Variants in OTOG observed in about 807,000 individuals in gnomAD.
The protein encoded by OTOG is otogelin.
A neutral mutation model predicts 313.8 loss-of-function variants in OTOG; 296 were observed. That is an observed-to-expected ratio of 0.94 (90% CI 0.86 to 1.04). The LOEUF is 1.04. Ranked by LOEUF, OTOG falls within the 50% of genes least tolerant of loss-of-function variation. The pLI, the probability that OTOG is intolerant of heterozygous loss-of-function variation, is 0.00. For missense variants in OTOG, 3,948 were observed against 3,840.1 expected, an observed-to-expected ratio of 1.03 and a Z score of -0.74; for synonymous variants, 1,533 against 1,554.9, an observed-to-expected ratio of 0.99 and a Z score of 0.33.
chr11:17,556,700 G>A (rs1852063614), intron 7 of OTOG, among the ~76,000 whole-genome samples: 1 of 152,152 alleles, frequency 6.6e-6, no homozygotes, highest in South Asian at 2.1e-4. Context: ...AGGTTGGCTA[G>A]GGGTCCCTGT....
intron 23 of OTOG, among the ~76,000 whole-genome samples, chr11:17,579,241 C>G (rs574674584): frequency 1.4e-4 from 21 of 152,290 alleles, no homozygotes; most frequent in African/African-American, 5.1e-4. Flanking sequence ...ACCCGGGAGT[C>G]GTGGCCCAGG....
At chr11:17,566,010 G>A (rs775503002) in intron 15 of OTOG, among the ~76,000 whole-genome samples, 10 of 152,126 alleles carry the variant, frequency 6.6e-5, no homozygotes, top group Non-Finnish European at 1.2e-4. Flanking sequence ...CAGGGGATGA[G>A]GTGTGCTCAT....
At chr11:17,553,606 G>A in intron 6 of OTOG, 87 bp downstream of exon 6, 3 of 1,206,656 alleles carry the variant, frequency 2.5e-6, no homozygotes, top group Non-Finnish European at 2.1e-6. Flanking sequence ...GTCATAGTTA[G>A]AGAGACTGGC....
intron 16 of OTOG, among the ~76,000 whole-genome samples, chr11:17,569,498 A>G (rs1012106017): frequency 1.3e-5 from 2 of 152,238 alleles, no homozygotes; most frequent in African/African-American, 4.8e-5. Context: ...ACTTCCTAGT[A>G]GCATGATGGC....
At chr11:17,638,158 C>G (rs970987277) in intron 47 of OTOG, among the ~76,000 whole-genome samples, 19 of 152,204 alleles carry the variant, frequency 1.2e-4, no homozygotes, top group Non-Finnish European at 2.1e-4. Context: ...TAATGGCTGG[C>G]TCTCCCTGGA....
intron 39 of OTOG, among the ~76,000 whole-genome samples, chr11:17,616,366 T>G (rs917247801): frequency 1.3e-5 from 2 of 152,278 alleles, no homozygotes; most frequent in African/African-American, 4.8e-5. Context: ...CTAGCTATTC[T>G]AATTCCTTTA....
Position 17,628,158 on chromosome 11 carries a change from A to G in OTOG, c.6529-975A>G, listed in dbSNP as rs542220024. 1.1e-4 allele frequency among the ~76,000 whole-genome samples: 17 copies of G among 152,062 alleles called. No homozygotes were observed. The South Asian group carries it at 3.5e-3, about 32-fold the overall frequency. ...TCTTTAAGATACATTGTTAGGTTAC[A>G]TATTTGAAGTTTTTCTTCTTTTTTG... On this transcript the variant is annotated intron_variant, in intron 39 of 55. Transcript: ENST00000399397.
intron 7 of OTOG, 45 bp from the exon 8 acceptor site, chr11:17,557,073 T>C (rs894577236): frequency 5.9e-6 from 9 of 1,527,812 alleles, no homozygotes; most frequent in Non-Finnish European, 7.9e-6. Context: ...ACTGGGCTAG[T>C]GGAGGTGTTG....
At chr11:17,606,801 C>G (rs1853401381) in intron 33 of OTOG, among the ~76,000 whole-genome samples, 1 of 152,248 alleles carries the variant, frequency 6.6e-6, no homozygotes, top group Non-Finnish European at 1.5e-5. Context: ...GTGTCTTCAG[C>G]CAGCCTCCTT....
At chr11:17,638,354 C>G in intron 47 of OTOG, 97 bp from the exon 48 acceptor site, 1 of 1,047,986 alleles carries the variant, frequency 9.5e-7, no homozygotes. Context: ...TAAGGAGGAG[C>G]TGGGGGTAGC....
At chr11:17,547,500 C>A in intron 1 of OTOG, 34 bp downstream of exon 1, 1 of 1,325,130 alleles carries the variant, frequency 7.5e-7, no homozygotes, top group Non-Finnish European at 9.6e-7. Context: ...AGGTCGGGGG[C>A]TCGAGGAATG....
intron 46 of OTOG, among the ~76,000 whole-genome samples, 177 bp downstream of exon 46, chr11:17,635,364 C>G (rs1011136508): frequency 1.1e-4 from 16 of 152,136 alleles, no homozygotes; most frequent in Non-Finnish European, 2.1e-4. Context: ...ACACCGACCC[C>G]GTGTTCCCCC....
rs1246889104 is a variant in OTOG at position 17,610,680 on chromosome 11, C to T, written c.5380C>T (p.Arg1794Cys). 6.4e-5 allele frequency: 100 copies of T among 1,550,504 alleles called. No individual in the cohort carries two copies. Among genetic ancestry groups the T allele is most frequent in the Non-Finnish European group, 8.4e-5 (96 of 1,147,008 alleles). The change falls in exon 36 of 56, where the codon CGT (arginine) becomes TGT (cysteine). Residue 1794 changes from arginine (R) to cysteine (C), a missense_variant. Coordinates refer to ENST00000399397, the MANE Select transcript of OTOG (RefSeq NM_001292063.2). The part of the protein sequence containing the change: ...ATPFMSLEST[R>C]PSQLLSGLPP... ...ACCCTTCATGTCCCTTGAGTCAACT[C>T]GTCCCTCCCAGCTCCTCTCTGGCCT... is the stretch of plus-strand genomic sequence containing the variant.
chr11:17,577,701 C>T (rs1404484908), intron 22 of OTOG, among the ~76,000 whole-genome samples: 2 of 152,178 alleles, frequency 1.3e-5, no homozygotes, highest in East Asian at 3.9e-4. Context: ...CTTTGGATTT[C>T]TGGCTCTTTG....
chr11:17,641,258 G>A (rs564168530), intron 51 of OTOG, among the ~76,000 whole-genome samples, 167 bp downstream of exon 51: 1 of 152,188 alleles, frequency 6.6e-6, no homozygotes, highest in African/African-American at 2.4e-5. Context: ...GGACTAGGTT[G>A]GGAGAGGCCA....
At chr11:17,554,736 G>A (rs1422390221) in intron 6 of OTOG, among the ~76,000 whole-genome samples, 4 of 152,224 alleles carry the variant, frequency 2.6e-5, no homozygotes, top group South Asian at 2.1e-4. Flanking sequence ...CTATCACATA[G>A]CAGAGATTTT....
In OTOG at chr11:17,629,271, G is replaced by A. The variant is rs572886375; in HGVS notation, c.6667G>A (p.Val2223Met). Residue 2223 changes from valine to methionine, a missense_variant, in exon 40 of 56, where the codon GTG becomes ATG. Physicochemically the swap from Val to Met is conservative, Grantham distance 21. Transcript: ENST00000399397. ...GCTCCACAGCTCAGGACTCATGATC[G>A]TGGAGGCCAGCAAAACCAGCAAGGC... ...QWLHSSGLMI[V>M]EASKTSKAQG... 6.3e-5 allele frequency: 97 copies of A among 1,550,580 alleles called. No homozygotes were observed. The Admixed American group carries it at 1.2e-3, about 19-fold the overall frequency.
At chr11:17,571,680 A>G (rs1202033097) in intron 17 of OTOG, among the ~76,000 whole-genome samples, 3 of 152,036 alleles carry the variant, frequency 2.0e-5, no homozygotes, top group Non-Finnish European at 2.9e-5. Context: ...GAATGAAGCC[A>G]TATTCATTCC....
intron 19 of OTOG, 124 bp downstream of exon 19, chr11:17,573,414 G>A: frequency 9.5e-7 from 1 of 1,055,884 alleles, no homozygotes. Context: ...TGCACCCAGA[G>A]CCTGCTTCTC....
Sources: gnomAD v4.1 joint callset for allele counts (sites outside exome capture counted in the v4.1 genomes callset) on GRCh38, gnomAD v4.1.1 for gene constraint, MANE v1.5 for transcripts, NCBI Gene and HGNC (gene_info 2026-07-23, HGNC 2026-07-21) for gene names.